DNAH11: variants seen among roughly 807,000 people sequenced by gnomAD.
DNAH11 encodes axonemal beta dynein heavy chain 11.
Under a neutral mutation model 526.0 loss-of-function variants are expected in DNAH11, and 442 were observed. That is an observed-to-expected ratio of 0.84 (90% CI 0.78 to 0.91). The LOEUF is 0.91. DNAH11 is among the 40% of genes least tolerant of loss of function. The pLI is 0.00. For synonymous variants in DNAH11, 2,461 were observed against 1,935.9 expected (o/e 1.27, Z -7.12); for missense variants, 6,989 against 5,448.7 (o/e 1.28, Z -8.90).
chr7:21,583,720 C>G (rs1363322666), intron 9 of DNAH11, among the ~76,000 whole-genome samples: 1 of 152,098 alleles, frequency 6.6e-6, no homozygotes, highest in Non-Finnish European at 1.5e-5. Flanking sequence ...CTACAAGGAA[C>G]TTAAACAAAT....
chr7:21,620,409 A>G (rs1785992274), intron 25 of DNAH11, among the ~76,000 whole-genome samples: 1 of 151,168 alleles, frequency 6.6e-6, no homozygotes, highest in African/African-American at 2.4e-5. Context: ...TCTGGTAACC[A>G]TCATTCTACT....
At chr7:21,841,034 A>T (rs1583759819) in intron 65 of DNAH11, among the ~76,000 whole-genome samples, 2 of 152,096 alleles carry the variant, frequency 1.3e-5, no homozygotes, top group South Asian at 4.1e-4. Flanking sequence ...ATATACAAAA[A>T]TTAGCTGGGC....
Position 21,749,810 on chromosome 7 carries a change from AC to A in DNAH11, c.8797+11del, listed in dbSNP as rs759662351. 6 of 1,613,464 alleles carry A rather than the reference AC, an allele frequency of 3.7e-6. No homozygotes were observed. The highest frequency in any genetic ancestry group is 5.1e-6 in the Non-Finnish European group (6 of 1,179,690). On this transcript the variant is annotated intron_variant, in intron 53 of 81. Coordinates refer to ENST00000409508, the MANE Select transcript of DNAH11 (RefSeq NM_001277115.2). Reference sequence around the variant, plus strand: ...TGACTTGCTGGCATCAGGTGATTAAACCAACACATTTCTTGAAAGATCTTCC... The same window carrying A: ...TGACTTGCTGGCATCAGGTGATTAAACAACACATTTCTTGAAAGATCTTCC...
intron 59 of DNAH11, 147 bp downstream of exon 59, chr7:21,786,914 G>C: frequency 8.0e-7 from 1 of 1,242,724 alleles, no homozygotes; most frequent in South Asian, 1.8e-5. Flanking sequence ...ATGTTCTCTA[G>C]ACTTACAGCT....
At chr7:21,876,561 C>T (rs760740600) in intron 74 of DNAH11, among the ~76,000 whole-genome samples, 2 of 152,168 alleles carry the variant, frequency 1.3e-5, no homozygotes, top group African/African-American at 2.4e-5. Context: ...TATACAAGGT[C>T]AAAAAGTAGT....
At position 21,801,151 on chromosome 7, in the gene DNAH11, T is replaced by A. The variant is rs772016314; in HGVS notation, c.10041T>A (p.Asn3347Lys). The change falls in exon 62 of 82, where the codon AAT becomes AAA. Residue 3347 changes from asparagine to lysine, a missense_variant. Coordinates refer to ENST00000409508, the MANE Select transcript of DNAH11 (RefSeq NM_001277115.2). ...CTCTGATTCAGGATCTGGATCGAAA[T>A]CTGAGCAGACTCACGGCTTCATTTG... Reference protein sequence around the residue: ...IRKKLVDLDRNLSRLTASFEK... With the variant: ...IRKKLVDLDRKLSRLTASFEK... The A allele has an allele frequency of 1.8e-5, 29 of 1,609,578 alleles. No individual in the cohort carries two copies. The highest frequency in any genetic ancestry group is 2.5e-5 in the Non-Finnish European group (29 of 1,177,722).
chr7:21,749,948 G>C (rs1786339763), intron 53 of DNAH11, 147 bp downstream of exon 53: 2 of 1,295,348 alleles, frequency 1.5e-6, no homozygotes, highest in South Asian at 1.5e-5. Flanking sequence ...CTAATTTGAG[G>C]TGTATTGCTT....
At chr7:21,895,052 T>A in intron 79 of DNAH11, 53 bp downstream of exon 79, 1 of 1,447,692 alleles carries the variant, frequency 6.9e-7, no homozygotes. Context: ...CGGTGCTGGG[T>A]TAGTGTTCTG....
intron 8 of DNAH11, among the ~76,000 whole-genome samples, chr7:21,576,354 A>G (rs1053905243): frequency 3.9e-5 from 6 of 152,202 alleles, no homozygotes; most frequent in Non-Finnish European, 5.9e-5. Flanking sequence ...AAGCCCAGAA[A>G]GGAAGCACCA....
chr7:21,729,650 C>T (rs1785286059), intron 45 of DNAH11, among the ~76,000 whole-genome samples: 1 of 152,038 alleles, frequency 6.6e-6, no homozygotes, highest in South Asian at 2.1e-4. Context: ...GCAATTCAGC[C>T]GTGTTCCTTG....
chr7:21,572,591 G>A (rs916238145), intron 8 of DNAH11, among the ~76,000 whole-genome samples: 3 of 152,150 alleles, frequency 2.0e-5, no homozygotes, highest in African/African-American at 4.8e-5. Context: ...CAAGAACAGC[G>A]AAGCCCAAGT....
At chr7:21,607,634 T>TA (rs990381074) in intron 20 of DNAH11, among the ~76,000 whole-genome samples, 1 of 151,862 alleles carries the variant, frequency 6.6e-6, no homozygotes, top group Non-Finnish European at 1.5e-5. Context: ...CTCTTTCAAT[T>TA]AAAAAAACAA....
chr7:21,612,554 C>CAAAAAAAAAAAAAAAAA (rs34356379), intron 20 of DNAH11, among the ~76,000 whole-genome samples: 74 of 81,212 alleles, frequency 9.1e-4, no homozygotes, highest in East Asian at 3.2e-3. Context: ...GGCTCCGTCT[C>CAAAAAAAAAAAAAAAAA]AAAAAAAAAA....
At chr7:21,892,329 G>A in intron 76 of DNAH11, 96 bp from the exon 77 acceptor site, 1 of 1,505,698 alleles carries the variant, frequency 6.6e-7, no homozygotes, top group Non-Finnish European at 8.9e-7. Flanking sequence ...GCATTGTGCT[G>A]GAGCCTTCTT....
At chr7:21,557,034 G>A (rs117487740) in intron 2 of DNAH11, among the ~76,000 whole-genome samples, 385 of 151,704 alleles carry the variant, frequency 2.5e-3, no homozygotes, top group Non-Finnish European at 4.0e-3. Flanking sequence ...CTGCACTTCA[G>A]CCTCAGTGAC....
chr7:21,674,930 C>T (rs1226877087), intron 30 of DNAH11, among the ~76,000 whole-genome samples: 2 of 152,140 alleles, frequency 1.3e-5, no homozygotes, highest in African/African-American at 2.4e-5. Context: ...CTCTTCTTTT[C>T]CTCAATAGCC....
At chr7:21,789,679 C>T (rs1456690523) in intron 61 of DNAH11, among the ~76,000 whole-genome samples, 1 of 152,114 alleles carries the variant, frequency 6.6e-6, no homozygotes, top group Admixed American at 6.6e-5. Context: ...TTTACTGTTG[C>T]ATCCCGTACA....
At chr7:21,608,752 G>A (rs542499917) in intron 20 of DNAH11, among the ~76,000 whole-genome samples, 1 of 152,334 alleles carries the variant, frequency 6.6e-6, no homozygotes, top group Admixed American at 6.5e-5. Flanking sequence ...CATGCTGTAT[G>A]TAAACATTTA....
At chr7:21,868,485 A>G (rs1029692535) in intron 72 of DNAH11, among the ~76,000 whole-genome samples, 5 of 88,264 alleles carry the variant, frequency 5.7e-5, no homozygotes, top group African/African-American at 1.0e-4. Context: ...CATTTACCCA[A>G]TGAACAGATC....
Sources: gnomAD v4.1 joint callset for allele counts (sites outside exome capture counted in the v4.1 genomes callset) on GRCh38, gnomAD v4.1.1 for gene constraint, MANE v1.5 for transcripts, NCBI Gene and HGNC (gene_info 2026-07-23, HGNC 2026-07-21) for gene names.